GPN2: variants seen among roughly 807,000 people sequenced by gnomAD.
GPN2 encodes ATP-binding domain 1 family member B.
A neutral mutation model predicts 30.1 loss-of-function variants in GPN2; 27 were observed. The ratio of observed to expected loss-of-function variants is 0.90; its 90% CI spans 0.66 to 1.24. The LOEUF (loss-of-function observed/expected upper bound fraction) is 1.24, where lower values mean the gene tolerates loss of function less well. Ranked by LOEUF, GPN2 falls within the 50% of genes most tolerant of loss-of-function variation. The pLI, the probability that GPN2 is intolerant of heterozygous loss-of-function variation, is 0.00. For synonymous variants in GPN2, 212 were observed against 174.4 expected (o/e 1.22, Z -1.70); for missense variants, 406 against 405.4 (o/e 1.00, Z -0.01).
chr1:26,886,083 C>T lies in GPN2; in HGVS notation c.619G>A (p.Asp207Asn), dbSNP rs775327979. ...TEVLDLSYLL[D>N]HLASDPFFRH... Reference sequence around the variant, plus strand: ...AAGAAAGGGTCAGAAGCCAGGTGGTCAAGCAGGTAGGAGAGGTCCAGAACC... The same window carrying T: ...AAGAAAGGGTCAGAAGCCAGGTGGTTAAGCAGGTAGGAGAGGTCCAGAACC... The change falls in exon 3 of 5, where the codon GAC (aspartate) becomes AAC (asparagine). Residue 207 changes from aspartate (D) to asparagine (N), a missense_variant. Coordinates refer to ENST00000374135, the MANE Select transcript of GPN2 (RefSeq NM_018066.4). 2 of 1,613,748 alleles carry T rather than the reference C, an allele frequency of 1.2e-6. No individual in the cohort carries two copies. Among genetic ancestry groups the T allele is most frequent in the Non-Finnish European group, 1.7e-6 (2 of 1,179,684 alleles).
chr1:26,880,145 G>C (rs2081857215), intron 4 of GPN2, among the ~76,000 whole-genome samples: 1 of 152,136 alleles, frequency 6.6e-6, no homozygotes, highest in Non-Finnish European at 1.5e-5. Context: ...TCCAAAGTAA[G>C]AAACAGATTC....
intron 4 of GPN2, among the ~76,000 whole-genome samples, chr1:26,883,671 C>A (rs2081875617): frequency 6.6e-6 from 1 of 151,708 alleles, no homozygotes; most frequent in Admixed American, 6.6e-5. Flanking sequence ...CTAATACCAG[C>A]TACTTGGGAG....
Position 26,890,156 on chromosome 1 carries a change from C to A in GPN2, c.-60G>T, listed in dbSNP as rs2081914364. The A allele has an allele frequency of 2.2e-6, 3 of 1,395,148 alleles. No homozygotes were observed. Among genetic ancestry groups the A allele is most frequent in the East Asian group, 2.5e-5 (1 of 39,676 alleles). The allele number at this position is 1,395,148 out of a possible 1,614,324, so 86.4% of individuals were successfully genotyped here. On this transcript the variant is annotated 5_prime_UTR_variant, in exon 1 of 5. Transcript: ENST00000374135. The stretch of plus-strand genomic sequence containing the variant: ...GGGAAAACGGGGCAGGTAGCCGCGC[C>A]GGAGACGAGACTGAGGGCGAGGGTC...
intron 2 of GPN2, 26 bp downstream of exon 2, chr1:26,888,943 T>A (rs751727482): frequency 6.2e-7 from 1 of 1,613,010 alleles, no homozygotes; most frequent in Non-Finnish European, 8.5e-7. Flanking sequence ...GCTGCCCTGC[T>A]CTTCGCCTGG....
chr1:26,882,678 T>C (rs1433738709), intron 4 of GPN2, among the ~76,000 whole-genome samples: 3 of 152,322 alleles, frequency 2.0e-5, no homozygotes, highest in Non-Finnish European at 2.9e-5. Context: ...GGGCCTGGAC[T>C]TTTCTGTCCT....
intron 4 of GPN2, among the ~76,000 whole-genome samples, chr1:26,882,358 C>T (rs1195549620): frequency 1.3e-5 from 2 of 151,860 alleles, no homozygotes; most frequent in African/African-American, 4.8e-5. Flanking sequence ...AAAAGAAAGT[C>T]CATCTTAAAT....
rs2081914981 is a variant in GPN2 at position 26,890,233 on chromosome 1, G to T, written c.-137C>A. ...AGCGTCACTCGCCTCAGGCGGAACAGCTGAGACCGTGTCGCGCAAAAGGAG... is the reference window on the plus strand; with the variant it reads ...AGCGTCACTCGCCTCAGGCGGAACATCTGAGACCGTGTCGCGCAAAAGGAG... On this transcript the variant is annotated 5_prime_UTR_variant, in exon 1 of 5. It adds an upstream start codon to the 5' untranslated region. Transcript: ENST00000374135. The T allele has an allele frequency of 4.1e-6, 3 of 733,494 alleles. No individual in the cohort carries two copies. The highest frequency in any genetic ancestry group is 2.1e-6 in the Non-Finnish European group (1 of 470,018). The allele number at this position is 733,494 out of a possible 1,614,324, so 45.4% of individuals were successfully genotyped here. A position where few individuals can be genotyped will look rare whatever the true frequency, so the allele number is the denominator to read the frequency against.
chr1:26,889,578 C>T (rs1056493365), intron 1 of GPN2, 108 bp downstream of exon 1: 1 of 1,129,724 alleles, frequency 8.9e-7, no homozygotes, highest in Non-Finnish European at 1.3e-6. Flanking sequence ...TGTTTTACTC[C>T]AAAGCGACCC....
rs1399260137 is a variant in GPN2 at position 26,877,671 on chromosome 1, CCTGT to C, written c.*2002_*2005del. On this transcript the variant is annotated 3_prime_UTR_variant, in exon 5 of 5. Coordinates refer to ENST00000374135, the MANE Select transcript of GPN2 (RefSeq NM_018066.4). ...GCAATGGCTTATTAATTCTCCCCAT[CCTGT>C]CTATCTCTAATGAGGATTGTGTGTG... 1 of 152,220 alleles carries C rather than the reference CCTGT, an allele frequency of 6.6e-6. No individual in the cohort carries two copies. Among genetic ancestry groups the C allele is most frequent in the Non-Finnish European group, 1.5e-5 (1 of 68,044 alleles). 9.4% of individuals were successfully genotyped at this position (152,220 alleles called of 1,614,324 possible).
At chr1:26,886,324 G>C (rs944601013) in intron 2 of GPN2, 191 bp from the exon 3 acceptor site, 5 of 616,146 alleles carry the variant, frequency 8.1e-6, no homozygotes, top group African/African-American at 7.3e-5. Context: ...TATATAGGCA[G>C]GTATCTACTT....
rs766389019 is a variant in GPN2 at position 26,889,132 on chromosome 1, G to A, written c.412-7C>T. 6 of 1,612,202 alleles carry A rather than the reference G, an allele frequency of 3.7e-6. No individual in the cohort carries two copies. The highest frequency in any genetic ancestry group is 2.2e-5 in the South Asian group (2 of 91,018). On this transcript the variant is annotated splice_polypyrimidine_tract_variant and splice_region_variant and intron_variant, in intron 1 of 4. Transcript: ENST00000374135. Reference sequence around the variant, plus strand: ...CGAGGTGGACGGCAGTCAGCTGGGAGGGAATAGACAGGGTGAGAGTGGCCT... The same window carrying A: ...CGAGGTGGACGGCAGTCAGCTGGGAAGGAATAGACAGGGTGAGAGTGGCCT...
At chr1:26,887,416 T>C (rs2081896298) in intron 2 of GPN2, among the ~76,000 whole-genome samples, 1 of 152,172 alleles carries the variant, frequency 6.6e-6, no homozygotes, top group Non-Finnish European at 1.5e-5. Context: ...AGAAGCTAAC[T>C]GGCCTCCCTG....
At chr1:26,886,474 T>A (rs1008392336) in intron 2 of GPN2, 7 of 457,704 alleles carry the variant, frequency 1.5e-5, no homozygotes, top group Non-Finnish European at 3.0e-5. Context: ...GGTGGGTGAT[T>A]ACCTGAGGTC....
intron 2 of GPN2, among the ~76,000 whole-genome samples, chr1:26,888,453 G>C (rs2081902665): frequency 6.6e-6 from 1 of 152,194 alleles, no homozygotes; most frequent in African/African-American, 2.4e-5. Context: ...AAGCCATCTG[G>C]TCTATGGTAT....
At chr1:26,885,194 T>C (rs1431615985) in intron 3 of GPN2, among the ~76,000 whole-genome samples, 1 of 152,032 alleles carries the variant, frequency 6.6e-6, no homozygotes, top group East Asian at 1.9e-4. Context: ...GAGTGTGGCA[T>C]TAGAAGGGAG....
intron 2 of GPN2, among the ~76,000 whole-genome samples, chr1:26,887,245 G>C (rs543594445): frequency 6.6e-6 from 1 of 152,278 alleles, no homozygotes; most frequent in Admixed American, 6.5e-5. Flanking sequence ...AGATGATGCT[G>C]AGGTCCCTGA....
rs1387765957 is a variant in GPN2, at chr1:26,889,746, G to A, written c.351C>T (p.Leu117=). The change falls in exon 1 of 5, where the codon CTC becomes CTT. Residue 117 remains leucine (L), a synonymous_variant. Coordinates refer to ENST00000374135, the MANE Select transcript of GPN2 (RefSeq NM_018066.4). The part of the protein sequence containing the change: ...FLFDCPGQVE[L]CTHHGALRSI... ...TGCGCAAGGCGCCGTGATGCGTGCA[G>A]AGCTCCACCTGGCCTGGGCAGTCGA... is the stretch of plus-strand genomic sequence containing the variant. 6.2e-7 allele frequency: 1 copy of A among 1,612,970 alleles called. No individual in the cohort carries two copies. The highest frequency in any genetic ancestry group is 1.7e-5 in the Admixed American group (1 of 59,878).
At chr1:26,883,425 C>A (rs548539880) in intron 4 of GPN2, among the ~76,000 whole-genome samples, 2 of 152,230 alleles carry the variant, frequency 1.3e-5, no homozygotes, top group African/African-American at 4.8e-5. Flanking sequence ...ACAACCAACT[C>A]TGAAGCCAAG....
intron 3 of GPN2, among the ~76,000 whole-genome samples, chr1:26,885,640 C>T (rs1242458875): frequency 2.0e-5 from 3 of 146,558 alleles, no homozygotes; most frequent in African/African-American, 5.1e-5. Context: ...AGAGCAATGG[C>T]GTGGTCTCGG....
Sources: allele counts gnomAD v4.1 joint callset (sites outside exome capture counted in the v4.1 genomes callset), GRCh38; gene constraint gnomAD v4.1.1; transcripts MANE v1.5; gene names NCBI Gene and HGNC (gene_info 2026-07-23, HGNC 2026-07-21).